Variants in WWOX observed in about 807,000 individuals in gnomAD.
WWOX encodes WW domain-containing oxidoreductase.
A neutral mutation model predicts 46.2 loss-of-function variants in WWOX; 69 were observed. That is an observed-to-expected ratio of 1.49 (90% CI 1.23 to 1.82). The LOEUF (loss-of-function observed/expected upper bound fraction) is 1.82. Ranked by LOEUF, WWOX falls within the 40% of genes most tolerant of loss-of-function variation. WWOX has a pLI of 0.00. For missense variants in WWOX, 919 were observed against 542.6 expected (o/e 1.69, Z -6.89); for synonymous variants, 359 against 202.6 (o/e 1.77, Z -6.56).
At chr16:79,156,308 G>A (rs924849672) in intron 8 of WWOX, among the ~76,000 whole-genome samples, 4 of 152,238 alleles carry the variant, frequency 2.6e-5, no homozygotes, top group African/African-American at 7.2e-5. Flanking sequence ...ACCCAGGTGC[G>A]CACCAACACA....
At chr16:78,826,547 TCTC>T (rs1320217250) in intron 8 of WWOX, among the ~76,000 whole-genome samples, 2 of 152,186 alleles carry the variant, frequency 1.3e-5, no homozygotes, top group African/African-American at 4.8e-5. Flanking sequence ...CTTCTCCTCT[TCTC>T]CTGTGTTCCT....
intron 8 of WWOX, among the ~76,000 whole-genome samples, chr16:78,930,941 G>T (rs1014947556): frequency 9.9e-5 from 15 of 152,132 alleles, no homozygotes; most frequent in Admixed American, 6.5e-4. Context: ...TCACTAACTA[G>T]TACCCTTATG....
intron 8 of WWOX, among the ~76,000 whole-genome samples, chr16:78,812,735 T>TA (rs151122360): frequency 0.1 from 14,888 of 147,838 alleles, 1,058 homozygotes; most frequent in African/African-American, 0.2. Flanking sequence ...TCCCACCCCC[T>TA]AAAAAAAAAA....
At chr16:78,244,498 G>T (rs966421012) in intron 5 of WWOX, among the ~76,000 whole-genome samples, 1 of 152,204 alleles carries the variant, frequency 6.6e-6, no homozygotes, top group Non-Finnish European at 1.5e-5. Flanking sequence ...GAAGACCATG[G>T]TCTTGCCACA....
intron 6 of WWOX, among the ~76,000 whole-genome samples, chr16:78,423,656 G>A (rs944867385): frequency 8.6e-5 from 13 of 152,020 alleles, no homozygotes; most frequent in African/African-American, 2.9e-4. Flanking sequence ...GGGCAACATA[G>A]GGGGAGCCCA....
intron 8 of WWOX, among the ~76,000 whole-genome samples, chr16:79,078,864 C>G (rs2048708374): frequency 6.6e-6 from 1 of 152,096 alleles, no homozygotes; most frequent in Non-Finnish European, 1.5e-5. Context: ...GTGCTTAAAC[C>G]AATTGCCAGG....
chr16:78,626,073 T>A (rs1026218400), intron 8 of WWOX, among the ~76,000 whole-genome samples: 3 of 151,948 alleles, frequency 2.0e-5, no homozygotes, highest in East Asian at 3.9e-4. Context: ...TTTTAAAAAA[T>A]TTTTTACCTA....
intron 8 of WWOX, among the ~76,000 whole-genome samples, chr16:78,729,385 C>T (rs964802579): frequency 2.6e-5 from 4 of 151,756 alleles, no homozygotes; most frequent in Non-Finnish European, 5.9e-5. Context: ...TATATATATG[C>T]ATGCACATCC....
chr16:78,478,900 CAT>C (rs1341192898), intron 8 of WWOX, among the ~76,000 whole-genome samples: 24 of 152,278 alleles, frequency 1.6e-4, no homozygotes, highest in Non-Finnish European at 3.2e-4. Flanking sequence ...TTCATTAACT[CAT>C]TTCCAGTATT....
intron 5 of WWOX, among the ~76,000 whole-genome samples, chr16:78,254,502 GTTTTT>G (rs59706959): frequency 0.14 from 13,022 of 91,646 alleles, 854 homozygotes; most frequent in Admixed American, 0.21. Flanking sequence ...TTTCTTTCTT[GTTTTT>G]TTTTTTTTTT....
intron 8 of WWOX, among the ~76,000 whole-genome samples, chr16:78,737,062 T>C (rs2049108918): frequency 6.6e-6 from 1 of 152,174 alleles, no homozygotes; most frequent in South Asian, 2.1e-4. Context: ...TCTATTTTTT[T>C]GGTCGTTCCT....
At chr16:78,769,529 CATTA>C (rs1324276544) in intron 8 of WWOX, among the ~76,000 whole-genome samples, 1 of 128,224 alleles carries the variant, frequency 7.8e-6, no homozygotes. Flanking sequence ...CCACCCCCCA[CATTA>C]TTTATTTATT....
At chr16:79,066,342 T>A (rs1430201374) in intron 8 of WWOX, among the ~76,000 whole-genome samples, 2 of 152,184 alleles carry the variant, frequency 1.3e-5, no homozygotes, top group Non-Finnish European at 2.9e-5. Flanking sequence ...TTGTTTATTA[T>A]CTGTGTCACC....
chr16:79,026,614 C>CTTTTTTTTT lies in WWOX; in HGVS notation c.1057-184981_1057-184973dup, dbSNP rs748965500. 4.0e-5 allele frequency among the ~76,000 whole-genome samples: 4 copies of CTTTTTTTTT among 101,110 alleles called. 1 individual carries two copies. Among genetic ancestry groups the CTTTTTTTTT allele is most frequent in the Non-Finnish European group, 3.7e-5 (2 of 53,720 alleles). 66.3% of individuals were successfully genotyped at this position (101,110 alleles called of 152,430 possible). A position where few individuals can be genotyped will look rare whatever the true frequency, so the allele number is the denominator to read the frequency against. Reference sequence around the variant, plus strand: ...CACAGAGCCTGGCATGTGGTAGACTCTTTTTTTTTTTTTTTTTTTTTGAGA... The same window carrying CTTTTTTTTT: ...CACAGAGCCTGGCATGTGGTAGACTCTTTTTTTTTTTTTTTTTTTTTTTTTTTTTTGAGA... On this transcript the variant is annotated intron_variant, in intron 8 of 8. Transcript: ENST00000566780.
intron 8 of WWOX, among the ~76,000 whole-genome samples, chr16:79,055,872 C>G (rs1504887): frequency 2.6e-5 from 4 of 152,240 alleles, no homozygotes; most frequent in East Asian, 1.9e-4. Context: ...TGCTCTTTAT[C>G]TTCTCTTTAT....
chr16:78,783,963 T>C (rs1048070682), intron 8 of WWOX, among the ~76,000 whole-genome samples: 1 of 152,026 alleles, frequency 6.6e-6, no homozygotes, highest in Non-Finnish European at 1.5e-5. Context: ...ATGGTGATGC[T>C]GGTGATGATG....
At chr16:78,654,103 G>A (rs1056654053) in intron 8 of WWOX, among the ~76,000 whole-genome samples, 1 of 152,186 alleles carries the variant, frequency 6.6e-6, no homozygotes, top group Non-Finnish European at 1.5e-5. Flanking sequence ...TCCAGGTAGA[G>A]AGAAACTCTC....
intron 8 of WWOX, among the ~76,000 whole-genome samples, chr16:78,465,424 C>T (rs958531386): frequency 6.6e-6 from 1 of 152,310 alleles, no homozygotes; most frequent in African/African-American, 2.4e-5. Flanking sequence ...AAGCAGTCCG[C>T]CTGCATCGGC....
chr16:78,927,500 A>G (rs2045525595), intron 8 of WWOX, among the ~76,000 whole-genome samples: 1 of 152,200 alleles, frequency 6.6e-6, no homozygotes, highest in Non-Finnish European at 1.5e-5. Flanking sequence ...CGGAGCCCAG[A>G]GCCAGACTGC....
Sources: gnomAD v4.1 joint callset for allele counts (sites outside exome capture counted in the v4.1 genomes callset) on GRCh38, gnomAD v4.1.1 for gene constraint, MANE v1.5 for transcripts, NCBI Gene and HGNC (gene_info 2026-07-23, HGNC 2026-07-21) for gene names.